AACS: variants seen among roughly 807,000 people sequenced by gnomAD.
AACS encodes the protein acetoacetate-CoA ligase.
AACS carries 69 observed loss-of-function variants against 83.1 expected under a neutral mutation model. The ratio of observed to expected loss-of-function variants is 0.83; its 90% confidence interval spans 0.68 to 1.01. The LOEUF (loss-of-function observed/expected upper bound fraction) is 1.01, where lower values mean the gene tolerates loss of function less well. Among genes scored for constraint, AACS ranks in the 50% least tolerant of loss-of-function variants. The pLI is 0.00. For missense variants in AACS, 866 were observed against 882.2 expected, an observed-to-expected ratio of 0.98 and a Z score of 0.23; for synonymous variants, 333 against 343.4, an observed-to-expected ratio of 0.97 and a Z score of 0.33.
rs1016500001 is a variant in AACS, at chr12:125,125,037, T to C, written c.1309+13T>C. ...GGCTCCATCTCAGGTATGGCCCCGG[T>C]GGGGACAGTCCTTCCAGCCATCCCC... On this transcript the variant is annotated intron_variant, in intron 12 of 17. Coordinates refer to ENST00000316519, the MANE Select transcript of AACS (RefSeq NM_023928.5). The C allele has an allele frequency of 6.2e-7, 1 of 1,613,988 alleles. No individual in the cohort carries two copies. Among genetic ancestry groups the C allele is most frequent in the African/African-American group, 1.3e-5 (1 of 75,014 alleles).
At chr12:125,079,403 A>G (rs149646620) in intron 3 of AACS, among the ~76,000 whole-genome samples, 173 of 152,196 alleles carry the variant, frequency 1.1e-3, no homozygotes, top group African/African-American at 3.9e-3. Flanking sequence ...CACCCCTCTG[A>G]CAGGGTCTCA....
chr12:125,093,245 G>C (rs749750403), intron 5 of AACS, among the ~76,000 whole-genome samples: 10 of 152,226 alleles, frequency 6.6e-5, no homozygotes, highest in Non-Finnish European at 1.5e-5. Context: ...TGGCCTCCCA[G>C]AGCTGGAGTG....
intron 5 of AACS, among the ~76,000 whole-genome samples, chr12:125,098,180 A>G (rs1007430469): frequency 6.6e-6 from 1 of 152,122 alleles, no homozygotes; most frequent in African/African-American, 2.4e-5. Flanking sequence ...CTGTAATCCC[A>G]GCACTTTGGG....
chr12:125,105,355 A>G (rs1956811048), intron 7 of AACS: 2 of 152,204 alleles, frequency 1.3e-5, no homozygotes, highest in Non-Finnish European at 2.9e-5. Context: ...GGGTGGGCAG[A>G]TTCTTCACAG....
intron 2 of AACS, among the ~76,000 whole-genome samples, chr12:125,075,825 C>A (rs560769948): frequency 1.3e-5 from 2 of 151,700 alleles, no homozygotes; most frequent in African/African-American, 4.8e-5. Context: ...AGCTCCTGAC[C>A]TTGTGACCCG....
In AACS at chr12:125,134,707, T is replaced by G. The variant is rs530106228; in HGVS notation, c.1620-87T>G. 80 of 1,457,574 alleles carry G rather than the reference T, an allele frequency of 5.5e-5. No homozygotes were observed. The South Asian group carries it at 6.9e-4, about 13-fold the overall frequency. 90.3% of individuals were successfully genotyped at this position (1,457,574 alleles called of 1,614,324 possible). A position where few individuals can be genotyped will look rare whatever the true frequency, so the allele number is the denominator to read the frequency against. The stretch of plus-strand genomic sequence containing the variant: ...AGTCCTGGGGGATGCCATGGGAAAG[T>G]GGGGGGTGACTGCCCTCCCGTGGGA... On this transcript the variant is annotated intron_variant, in intron 15 of 17. Coordinates refer to ENST00000316519, the MANE Select transcript of AACS (RefSeq NM_023928.5).
At chr12:125,090,526 A>C (rs1956458108) in intron 4 of AACS, among the ~76,000 whole-genome samples, 1 of 149,020 alleles carries the variant, frequency 6.7e-6, no homozygotes, top group Admixed American at 6.6e-5. Context: ...CCATCCACTC[A>C]TCTATCCTTC....
chr12:125,119,644 C>CG (rs1246391516), intron 10 of AACS, among the ~76,000 whole-genome samples: 2 of 152,170 alleles, frequency 1.3e-5, no homozygotes, highest in Non-Finnish European at 2.9e-5. Context: ...GAGAACAACT[C>CG]GGGAAAAACC....
intron 3 of AACS, among the ~76,000 whole-genome samples, chr12:125,084,685 C>G (rs1320356025): frequency 6.6e-6 from 1 of 151,810 alleles, no homozygotes; most frequent in Admixed American, 6.6e-5. Flanking sequence ...CTCAGGTGAT[C>G]CTCCCACTTC....
At chr12:125,105,105 G>C (rs1956805069) in intron 7 of AACS, 2 of 152,164 alleles carry the variant, frequency 1.3e-5, no homozygotes, top group South Asian at 4.1e-4. Flanking sequence ...CATTCACGAG[G>C]AATCCACCCT....
At chr12:125,099,625 G>A (rs1327007092) in intron 5 of AACS, among the ~76,000 whole-genome samples, 2 of 152,186 alleles carry the variant, frequency 1.3e-5, no homozygotes, top group Non-Finnish European at 2.9e-5. Context: ...AGTGCTTAGG[G>A]CAGCACCTGA....
At chr12:125,095,206 G>T (rs1956581489) in intron 5 of AACS, among the ~76,000 whole-genome samples, 1 of 152,172 alleles carries the variant, frequency 6.6e-6, no homozygotes, top group Non-Finnish European at 1.5e-5. Context: ...GCTCTCCTGG[G>T]CCAGGACAGG....
chr12:125,091,400 G>T, intron 4 of AACS, 26 bp from the exon 5 acceptor site: 2 of 1,612,882 alleles, frequency 1.2e-6, no homozygotes, highest in Non-Finnish European at 1.7e-6. Context: ...CTGAACCCAA[G>T]GCTTCTTCCT....
In AACS at chr12:125,142,200, C is replaced by G. The variant is rs188581486; in HGVS notation, c.1990C>G (p.Arg664Gly). The stretch of plus-strand genomic sequence containing the variant: ...GAACCCCGAGACCCTGGATCTGTAC[C>G]GGGACATCCCTGAGCTGCAGGGCTT... ...FSNPETLDLYRDIPELQGF is the reference protein window; with the variant it reads ...FSNPETLDLYGDIPELQGF The change falls in exon 18 of 18, where the codon CGG (arginine) becomes GGG (glycine). Residue 664 changes from arginine (R) to glycine (G), a missense_variant. Transcript: ENST00000316519. 1.2e-6 allele frequency: 2 copies of G among 1,613,966 alleles called. No individual in the cohort carries two copies. Among genetic ancestry groups the G allele is most frequent in the African/African-American group, 1.3e-5 (1 of 74,900 alleles).
chr12:125,103,034 T>A lies in AACS; in HGVS notation c.720T>A (p.Pro240=), dbSNP rs1956750290. The change falls in exon 7 of 18, where the codon CCT becomes CCA. Residue 240 remains proline (P), a synonymous_variant. Coordinates refer to ENST00000316519, the MANE Select transcript of AACS (RefSeq NM_023928.5). ...ACTTGAAGAAAGTGGTGGTGATTCCTTATGTGTCCTCCAGAGAGAACATAG... is the reference window on the plus strand; with the variant it reads ...ACTTGAAGAAAGTGGTGGTGATTCCATATGTGTCCTCCAGAGAGAACATAG... The part of the protein sequence containing the change: ...LPDLKKVVVI[P]YVSSRENIDL... 6.2e-7 allele frequency: 1 copy of A among 1,614,160 alleles called. No individual in the cohort carries two copies. Among genetic ancestry groups the A allele is most frequent in the Non-Finnish European group, 8.5e-7 (1 of 1,180,006 alleles).
At chr12:125,099,687 T>C (rs891460483) in intron 5 of AACS, among the ~76,000 whole-genome samples, 2 of 152,110 alleles carry the variant, frequency 1.3e-5, no homozygotes, top group Non-Finnish European at 2.9e-5. Flanking sequence ...GTTTCCTTTT[T>C]TGTTTGTTTG....
chr12:125,099,523 A>T (rs890540297), intron 5 of AACS, among the ~76,000 whole-genome samples: 6 of 152,244 alleles, frequency 3.9e-5, no homozygotes, highest in African/African-American at 1.4e-4. Context: ...TTGAGAGGCC[A>T]CATGCTTCAG....
intron 5 of AACS, 111 bp downstream of exon 5, chr12:125,091,634 G>C: frequency 9.0e-7 from 1 of 1,115,386 alleles, no homozygotes. Flanking sequence ...GAGCCCAGCG[G>C]GAGGAGGTGG....
rs552423132 is a variant in AACS, at chr12:125,073,996, C to T, written c.237+17C>T. ...TATGATGAGGTAAGTAGAGATTTTC[C>T]GTGGATATCATCTCTTTTTGTGGTC... On this transcript the variant is annotated intron_variant, in intron 2 of 17. Coordinates refer to ENST00000316519, the MANE Select transcript of AACS (RefSeq NM_023928.5). 2.6e-5 allele frequency: 41 copies of T among 1,578,402 alleles called. 1 individual carries two copies. In the South Asian group the frequency reaches 3.0e-4, roughly 12 times the overall value.
Sources: gnomAD v4.1 joint callset for allele counts (sites outside exome capture counted in the v4.1 genomes callset) on GRCh38, gnomAD v4.1.1 for gene constraint, MANE v1.5 for transcripts, NCBI Gene and HGNC (gene_info 2026-07-23, HGNC 2026-07-21) for gene names.